Variants in ABCC1 observed in about 807,000 individuals in gnomAD.
ABCC1 encodes the protein ATP binding cassette subfamily C member 1 (ABCC1 blood group), also known as multidrug resistance-associated protein 1.
In ABCC1, 83 loss-of-function variants were observed where a neutral mutation model predicts 172.9. That is an observed-to-expected ratio of 0.48 (90% CI 0.40 to 0.58). ABCC1 has a LOEUF of 0.58. ABCC1 is among the 20% of genes least tolerant of loss of function. The pLI is 0.00. For synonymous variants in ABCC1, 937 were observed against 825.2 expected (o/e 1.14, Z -2.32); for missense variants, 1,817 against 2,002.7 (o/e 0.91, Z 1.77).
intron 24 of ABCC1, among the ~76,000 whole-genome samples, chr16:16,124,122 AATG>A (rs1372864077): frequency 2.0e-5 from 3 of 152,172 alleles, no homozygotes; most frequent in Non-Finnish European, 4.4e-5. Context: ...GGAACGTTAC[AATG>A]ATGTTTACTC....
chr16:16,052,244 A>G (rs1204294072), intron 10 of ABCC1, among the ~76,000 whole-genome samples: 1 of 152,044 alleles, frequency 6.6e-6, no homozygotes, highest in Non-Finnish European at 1.5e-5. Flanking sequence ...GTGACTAGTC[A>G]CAGCTACTTG....
intron 21 of ABCC1, among the ~76,000 whole-genome samples, chr16:16,107,418 T>G (rs553539563): frequency 1.2e-4 from 19 of 152,238 alleles, no homozygotes; most frequent in African/African-American, 4.6e-4. Context: ...GCCTCCTGAG[T>G]AGCTGGGATT....
intron 22 of ABCC1, among the ~76,000 whole-genome samples, chr16:16,114,349 T>C (rs1371218612): frequency 6.6e-6 from 1 of 152,074 alleles, no homozygotes; most frequent in African/African-American, 2.4e-5. Flanking sequence ...TTACTATTTT[T>C]TTTTTTTTGA....
At chr16:16,028,877 G>A (rs1055743204) in intron 5 of ABCC1, among the ~76,000 whole-genome samples, 6 of 152,106 alleles carry the variant, frequency 3.9e-5, no homozygotes, top group Non-Finnish European at 7.4e-5. Context: ...AGGTCTGTCC[G>A]GGTCCACGGT....
intron 1 of ABCC1, among the ~76,000 whole-genome samples, chr16:15,993,970 C>T (rs1218021634): frequency 1.3e-5 from 2 of 152,172 alleles, no homozygotes. Context: ...GTGGCTCACA[C>T]CTCTAATCCC....
At chr16:15,973,021 G>A (rs7195815) in intron 1 of ABCC1, among the ~76,000 whole-genome samples, 28,537 of 151,860 alleles carry the variant, frequency 0.19, 3,385 homozygotes, top group African/African-American at 0.33. Flanking sequence ...TCTTGAACTT[G>A]TGAGTTCAAG....
At chr16:16,099,771 G>A (rs1000768529) in intron 19 of ABCC1, among the ~76,000 whole-genome samples, 1 of 152,174 alleles carries the variant, frequency 6.6e-6, no homozygotes, top group Non-Finnish European at 1.5e-5. Context: ...TAGGAAGAGG[G>A]AGAGCTGATC....
intron 5 of ABCC1, among the ~76,000 whole-genome samples, chr16:16,029,396 T>C (rs2048486562): frequency 6.6e-6 from 1 of 152,070 alleles, no homozygotes; most frequent in Non-Finnish European, 1.5e-5. Context: ...CCAATTTTTA[T>C]ATTTTTTGTA....
chr16:16,078,992 C>T (rs1278084653), intron 15 of ABCC1, among the ~76,000 whole-genome samples: 1 of 152,106 alleles, frequency 6.6e-6, no homozygotes, highest in Non-Finnish European at 1.5e-5. Context: ...CCCAGTTTGT[C>T]TTGAGGTGTC....
Position 16,036,182 on chromosome 16 carries a change from C to T in ABCC1, c.678-290C>T, listed in dbSNP as rs551508037. Among the ~76,000 whole-genome samples, 14 of 151,932 alleles carry T rather than the reference C, an allele frequency of 9.2e-5. 1 individual carries two copies. Among genetic ancestry groups the T allele is most frequent in the South Asian group, 6.2e-4 (3 of 4,806 alleles). ...ATAAAAAAGAGCTATCCTGATACTT[C>T]GCTCCTAAATCATCTTTTTTTCCCT... On this transcript the variant is annotated intron_variant, in intron 6 of 30. Coordinates refer to ENST00000399410, the MANE Select transcript of ABCC1 (RefSeq NM_004996.4).
Position 16,115,139 on chromosome 16 carries a change from T to C in ABCC1, c.3390+63T>C, listed in dbSNP as rs1034995793. ...CTGTGCATTATATACCAGTGTTACCTAAAGCCTTGTTTTATCTTACCATGT... is the reference window on the plus strand; with the variant it reads ...CTGTGCATTATATACCAGTGTTACCCAAAGCCTTGTTTTATCTTACCATGT... On this transcript the variant is annotated intron_variant, in intron 23 of 30. Transcript: ENST00000399410. 16 of 1,518,800 alleles carry C rather than the reference T, an allele frequency of 1.1e-5. No individual in the cohort carries two copies. The African/African-American group carries it at 2.1e-4, about 20-fold the overall frequency. The allele number at this position is 1,518,800 out of a possible 1,614,324, so 94.1% of individuals were successfully genotyped here. A position where few individuals can be genotyped will look rare whatever the true frequency, so the allele number is the denominator to read the frequency against.
Position 16,122,150 on chromosome 16 carries a change from A to C in ABCC1, c.3566A>C (p.Tyr1189Ser). 2 of 1,614,172 alleles carry C rather than the reference A, an allele frequency of 1.2e-6. No homozygotes were observed. The highest frequency in any genetic ancestry group is 1.7e-6 in the Non-Finnish European group (2 of 1,180,028). ...DLKVDENQKAYYPSIVANRWL... is the reference protein window; with the variant it reads ...DLKVDENQKASYPSIVANRWL... ...AAGGTGGACGAGAACCAGAAGGCCT[A>C]TTACCCCAGCATCGTGGCCAACAGG... Residue 1189 changes from tyrosine (Y) to serine (S), a missense_variant, in exon 24 of 31, where the codon TAT becomes TCT. Transcript: ENST00000399410.
At chr16:16,116,883 G>A (rs1157671272) in intron 23 of ABCC1, among the ~76,000 whole-genome samples, 1 of 151,996 alleles carries the variant, frequency 6.6e-6, no homozygotes, top group African/African-American at 2.4e-5. Flanking sequence ...GAGTAAATTC[G>A]GATTACTTAC....
intron 17 of ABCC1, among the ~76,000 whole-genome samples, chr16:16,085,625 C>A (rs1464216099): frequency 6.6e-6 from 1 of 152,136 alleles, no homozygotes. Context: ...ACTAAAAATA[C>A]AAAAAGTTGC....
At chr16:16,096,268 A>G (rs1474785607) in intron 19 of ABCC1, among the ~76,000 whole-genome samples, 2 of 152,026 alleles carry the variant, frequency 1.3e-5, no homozygotes, top group Non-Finnish European at 2.9e-5. Flanking sequence ...CCGAGAAAGA[A>G]CATCTTTCTG....
At chr16:16,085,943 C>T (rs1191462309) in intron 17 of ABCC1, among the ~76,000 whole-genome samples, 1 of 152,150 alleles carries the variant, frequency 6.6e-6, no homozygotes, top group Non-Finnish European at 1.5e-5. Flanking sequence ...GCTGCTGGTC[C>T]ATGCATTGTC....
In ABCC1 at chr16:16,022,758, C is replaced by T. The variant is rs45527736; in HGVS notation, c.615+6137C>T. On this transcript the variant is annotated intron_variant, in intron 5 of 30. Coordinates refer to ENST00000399410, the MANE Select transcript of ABCC1 (RefSeq NM_004996.4). ...TTTCCCCCCAGCATTTTACTATGAA[C>T]ATTCTTAAACCTACAGAAAAGTCGA... 9.2e-5 allele frequency among the ~76,000 whole-genome samples: 14 copies of T among 152,272 alleles called. No homozygotes were observed. The East Asian group carries it at 2.5e-3, about 27-fold the overall frequency.
chr16:16,030,955 A>G (rs1270207858), intron 5 of ABCC1, among the ~76,000 whole-genome samples: 2 of 151,990 alleles, frequency 1.3e-5, no homozygotes, highest in Non-Finnish European at 2.9e-5. Context: ...GATTCAAGCA[A>G]TTCTGCCTCA....
At chr16:15,962,046 C>T (rs2046145508) in intron 1 of ABCC1, among the ~76,000 whole-genome samples, 2 of 152,138 alleles carry the variant, frequency 1.3e-5, no homozygotes, top group African/African-American at 4.8e-5. Flanking sequence ...TTTATACTCC[C>T]ACTAATGGGC....
Sources: gnomAD v4.1 joint callset for allele counts (sites outside exome capture counted in the v4.1 genomes callset) on GRCh38, gnomAD v4.1.1 for gene constraint, MANE v1.5 for transcripts, NCBI Gene and HGNC (gene_info 2026-07-23, HGNC 2026-07-21) for gene names.